EXD1: variants seen among roughly 807,000 people sequenced by gnomAD.
EXD1 encodes exonuclease 3'-5' domain containing 1, also known as piRNA biogenesis protein EXD1.
A neutral mutation model predicts 49.1 loss-of-function variants in EXD1; 63 were observed. The ratio of observed to expected loss-of-function variants is 1.28; its 90% CI spans 1.05 to 1.58. EXD1 has a LOEUF of 1.58. Among genes scored for constraint, EXD1 ranks in the 40% most tolerant of loss-of-function variants. EXD1 has a pLI of 0.00. For missense variants in EXD1, 748 were observed against 666.0 expected, an observed-to-expected ratio of 1.12 and a Z score of -1.36; for synonymous variants, 234 against 239.2, an observed-to-expected ratio of 0.98 and a Z score of 0.20.
rs2046352231 is a variant in EXD1 at position 41,183,421 on chromosome 15, C to T, written c.*510G>A. 2 of 152,044 alleles carry T rather than the reference C, an allele frequency of 1.3e-5. No individual in the cohort carries two copies. Among genetic ancestry groups the T allele is most frequent in the Admixed American group, 1.3e-4 (2 of 15,246 alleles). The allele number at this position is 152,044 out of a possible 1,614,324, so 9.4% of individuals were successfully genotyped here. On this transcript the variant is annotated 3_prime_UTR_variant, in exon 12 of 12. Transcript: ENST00000458580. ...AAAGGAAAAAAGTGGTTACTCTGGG[C>T]ACACTGCCTATGGTGTAGCCCTGCT...
chr15:41,227,836 G>A (rs2047186773), intron 1 of EXD1, among the ~76,000 whole-genome samples: 1 of 152,054 alleles, frequency 6.6e-6, no homozygotes, highest in Non-Finnish European at 1.5e-5. Flanking sequence ...GATCACCTGA[G>A]GTCAGGAGTT....
chr15:41,216,907 A>G, intron 4 of EXD1, 112 bp from the exon 5 acceptor site: 1 of 1,494,738 alleles, frequency 6.7e-7, no homozygotes, highest in African/African-American at 1.4e-5. Flanking sequence ...TAACTAGAGG[A>G]CCCATTCATC....
At chr15:41,230,049 A>G (rs1212829160) in intron 1 of EXD1, among the ~76,000 whole-genome samples, 4 of 149,016 alleles carry the variant, frequency 2.7e-5, no homozygotes, top group African/African-American at 9.8e-5. Context: ...GGTTCACCTG[A>G]GAGTAGGCAC....
At chr15:41,195,722 T>C in intron 9 of EXD1, 53 bp downstream of exon 9, 1 of 1,430,266 alleles carries the variant, frequency 7.0e-7, no homozygotes, top group Non-Finnish European at 9.4e-7. Context: ...TGAGCCCTTT[T>C]ATCTACAGGA....
chr15:41,193,999 A>ATTTT (rs747194413), intron 9 of EXD1, among the ~76,000 whole-genome samples: 3 of 82,922 alleles, frequency 3.6e-5, no homozygotes, highest in Non-Finnish European at 6.6e-5. Flanking sequence ...ATGACAAGTG[A>ATTTT]TTTTTTTTTT....
chr15:41,188,562 T>C (rs559561348), intron 11 of EXD1, among the ~76,000 whole-genome samples: 1 of 151,828 alleles, frequency 6.6e-6, no homozygotes, highest in African/African-American at 2.4e-5. Context: ...CCAGCTAATT[T>C]CTGTATTTTT....
At chr15:41,217,434 C>A (rs976063792) in intron 3 of EXD1, among the ~76,000 whole-genome samples, 1 of 152,086 alleles carries the variant, frequency 6.6e-6, no homozygotes, top group Non-Finnish European at 1.5e-5. Context: ...TTCTAGGGTA[C>A]CTTTGTGGTC....
At chr15:41,219,263 G>A (rs927873605) in intron 3 of EXD1, among the ~76,000 whole-genome samples, 10 of 151,904 alleles carry the variant, frequency 6.6e-5, no homozygotes, top group African/African-American at 2.2e-4. Flanking sequence ...TCCAAAATCC[G>A]AAAATCTCTG....
intron 9 of EXD1, 36 bp downstream of exon 9, chr15:41,195,739 T>G: frequency 6.4e-7 from 1 of 1,557,224 alleles, no homozygotes; most frequent in Non-Finnish European, 8.8e-7. Context: ...AGGAGCTGTA[T>G]ATACTGGTTT....
chr15:41,188,488 G>A (rs575309901), intron 11 of EXD1, among the ~76,000 whole-genome samples: 1 of 151,994 alleles, frequency 6.6e-6, no homozygotes, highest in Non-Finnish European at 1.5e-5. Flanking sequence ...TACCTCCTGG[G>A]TTCAAACGAT....
In EXD1 at chr15:41,211,817, C is replaced by T. The variant is rs1041394738; in HGVS notation, c.448-2230G>A. On this transcript the variant is annotated intron_variant, in intron 6 of 11. Transcript: ENST00000458580. ...TCTTAAAAAAAAAAAAAAAAAAGAG[C>T]TGGGCATGGTGGTACACACCTATAG... Among the ~76,000 whole-genome samples, 3 of 118,092 alleles carry T rather than the reference C, an allele frequency of 2.5e-5. 1 individual carries two copies. The highest frequency in any genetic ancestry group is 2.3e-4 in the Admixed American group (3 of 12,788). The allele number at this position is 118,092 out of a possible 152,430, so 77.5% of individuals were successfully genotyped here. A position where few individuals can be genotyped will look rare whatever the true frequency, so the allele number is the denominator to read the frequency against.
chr15:41,205,991 T>C (rs1037282901), intron 7 of EXD1, among the ~76,000 whole-genome samples: 14 of 151,174 alleles, frequency 9.3e-5, no homozygotes, highest in Admixed American at 6.6e-4. Flanking sequence ...GCAATTCTCC[T>C]GCCTCAGCCT....
intron 1 of EXD1, among the ~76,000 whole-genome samples, chr15:41,228,309 A>G (rs545390641): frequency 6.6e-6 from 1 of 152,342 alleles, no homozygotes; most frequent in Non-Finnish European, 1.5e-5. Context: ...ACTAGGAAGA[A>G]GGTGAGATGT....
intron 9 of EXD1, among the ~76,000 whole-genome samples, chr15:41,192,613 TTTTTTTTTTTTTTTTTTTTG>T (rs1566976440): frequency 2.0e-5 from 2 of 100,554 alleles, no homozygotes; most frequent in Admixed American, 1.0e-4. Context: ...TTTTTTTTTT[TTTTTTTTTTTTTTTTTTTTG>T]AGATAGGGTC....
intron 6 of EXD1, among the ~76,000 whole-genome samples, chr15:41,210,651 T>C (rs1332269565): frequency 1.3e-5 from 2 of 149,154 alleles, no homozygotes; most frequent in African/African-American, 5.1e-5. Context: ...GATGATGCAC[T>C]TCAGCCTGTG....
intron 7 of EXD1, among the ~76,000 whole-genome samples, chr15:41,208,100 G>T (rs2046862304): frequency 6.6e-6 from 1 of 151,734 alleles, no homozygotes; most frequent in Non-Finnish European, 1.5e-5. Flanking sequence ...AACCAAAGGG[G>T]ACAATTTAGG....
At chr15:41,184,742 C>A in intron 11 of EXD1, 149 bp from the exon 12 acceptor site, 2 of 816,674 alleles carry the variant, frequency 2.4e-6, no homozygotes, top group East Asian at 6.2e-5. Context: ...GCAAGCTCTG[C>A]CTCCTGGGTT....
At chr15:41,211,568 T>C (rs751108271) in intron 6 of EXD1, among the ~76,000 whole-genome samples, 21 of 152,008 alleles carry the variant, frequency 1.4e-4, no homozygotes, top group Non-Finnish European at 1.3e-4. Context: ...CATGCCTGTA[T>C]TCCTAGCAGT....
chr15:41,186,561 A>T (rs935686503), intron 11 of EXD1, among the ~76,000 whole-genome samples: 11 of 151,834 alleles, frequency 7.2e-5, no homozygotes, highest in Admixed American at 3.3e-4. Flanking sequence ...ATTATTCCCT[A>T]AACAATGCAA....
Sources: allele counts gnomAD v4.1 joint callset (sites outside exome capture counted in the v4.1 genomes callset), GRCh38; gene constraint gnomAD v4.1.1; transcripts MANE v1.5; gene names NCBI Gene and HGNC (gene_info 2026-07-23, HGNC 2026-07-21).